Variants in KIFC3 observed in about 807,000 individuals in gnomAD.
KIFC3 encodes kinesin-like protein KIFC3.
In KIFC3, 60 loss-of-function variants were observed where a neutral mutation model predicts 101.8. The ratio of observed to expected loss-of-function variants is 0.59; its 90% CI spans 0.48 to 0.73. The LOEUF (loss-of-function observed/expected upper bound fraction) is 0.73. KIFC3 is among the 30% of genes least tolerant of loss of function. The probability of loss-of-function intolerance (pLI) is 0.00; values close to 1 mark genes in which losing one functional copy is unlikely to be tolerated. For synonymous variants in KIFC3, 476 were observed against 482.7 expected (o/e 0.99, Z 0.18); for missense variants, 966 against 1,137.1 (o/e 0.85, Z 2.16).
At position 57,760,903 on chromosome 16, in the gene KIFC3, C is replaced by T; in HGVS notation, c.2055G>A (p.Gly685=). Residue 685 remains glycine (G), a synonymous_variant, in exon 16 of 20, where the codon GGG becomes GGA. Transcript: ENST00000445690. ...LAGSERVGKS[G]AEGSRLREAQ... is the part of the protein sequence containing the mutation. ...CCTCCCGCAGGCGGCTGCCCTCGGC[C>T]CCCGACTTGCCCACGCGCTCCGAGC... 2.5e-6 allele frequency: 4 copies of T among 1,609,408 alleles called. No homozygotes were observed. The highest frequency in any genetic ancestry group is 4.5e-5 in the East Asian group (2 of 44,846).
At chr16:57,834,202 C>G (rs1422001467) in intron 1 of KIFC3, among the ~76,000 whole-genome samples, 1 of 152,056 alleles carries the variant, frequency 6.6e-6, no homozygotes, top group East Asian at 1.9e-4. Flanking sequence ...TATAGCTTAG[C>G]AACACATTAT....
intron 1 of KIFC3, among the ~76,000 whole-genome samples, chr16:57,854,177 A>G (rs72780308): frequency 0.076 from 11,544 of 152,106 alleles, 542 homozygotes; most frequent in African/African-American, 0.13. Flanking sequence ...CTTGAGTTCA[A>G]GCGATTCACC....
chr16:57,775,572 G>C (rs2051942041), intron 3 of KIFC3: 2 of 985,902 alleles, frequency 2.0e-6, no homozygotes, highest in Non-Finnish European at 2.4e-6. Flanking sequence ...GGAGCAGTGA[G>C]AGCCAAGAGC....
intron 1 of KIFC3, among the ~76,000 whole-genome samples, chr16:57,851,841 G>A (rs1223998406): frequency 3.3e-5 from 5 of 152,132 alleles, no homozygotes; most frequent in African/African-American, 7.2e-5. Flanking sequence ...CCAGGTTCAC[G>A]CGATTCTCCT....
intron 1 of KIFC3, among the ~76,000 whole-genome samples, chr16:57,856,532 G>GAAAAAGAAAGAAGAAAGAA (rs1327936293): frequency 1.3e-5 from 2 of 149,258 alleles, no homozygotes; most frequent in Non-Finnish European, 3.0e-5. Context: ...AAAAAAGAAA[G>GAAAAAGAAAGAAGAAAGAA]AAAAAGAAAG....
intron 1 of KIFC3, among the ~76,000 whole-genome samples, chr16:57,826,367 T>A (rs544313039): frequency 1.3e-5 from 2 of 152,330 alleles, no homozygotes; most frequent in African/African-American, 4.8e-5. Flanking sequence ...TTATTTCTAG[T>A]CTTTTGTGAC....
chr16:57,770,345 C>G (rs2051000235), intron 7 of KIFC3, among the ~76,000 whole-genome samples, 182 bp downstream of exon 7: 1 of 152,226 alleles, frequency 6.6e-6, no homozygotes, highest in South Asian at 2.1e-4. Context: ...GGGACCAGAT[C>G]GTGTTATAAT....
At chr16:57,763,274 T>C (rs9783766) in intron 12 of KIFC3, among the ~76,000 whole-genome samples, 2,752 of 152,164 alleles carry the variant, frequency 0.018, 84 homozygotes, top group African/African-American at 0.063. Context: ...GGTGGTCACC[T>C]CAACACTAAG....
At chr16:57,824,287 T>C (rs999400740) in intron 1 of KIFC3, among the ~76,000 whole-genome samples, 20 of 152,200 alleles carry the variant, frequency 1.3e-4, no homozygotes, top group African/African-American at 2.4e-4. Flanking sequence ...AGAGGCAGGC[T>C]TGTAGTGGGT....
chr16:57,771,562 G>A lies in KIFC3; in HGVS notation c.506C>T (p.Pro169Leu). 1 of 1,613,358 alleles carries A rather than the reference G, an allele frequency of 6.2e-7. No individual in the cohort carries two copies. Among genetic ancestry groups the A allele is most frequent in the Non-Finnish European group, 8.5e-7 (1 of 1,179,912 alleles). Reference protein sequence around the residue: ...ELRTKPAGPCPGCEHSQESAQ... With the variant: ...ELRTKPAGPCLGCEHSQESAQ... ...GCTCACCTGGCTGTGCTCACAACCTGGGCAGGGACCTGCTGGCTTTGTGCG... is the reference window on the plus strand; with the variant it reads ...GCTCACCTGGCTGTGCTCACAACCTAGGCAGGGACCTGCTGGCTTTGTGCG... The change falls in exon 5 of 20, where the codon CCA (proline) becomes CTA (leucine). Residue 169 changes from proline (P) to leucine (L), a missense_variant. Pro to Leu is a moderately conservative substitution (Grantham distance 98, BLOSUM62 -3). Coordinates refer to ENST00000445690, the MANE Select transcript of KIFC3 (RefSeq NM_001130100.2).
chr16:57,847,960 A>G (rs1408654170), intron 1 of KIFC3, among the ~76,000 whole-genome samples: 1 of 151,738 alleles, frequency 6.6e-6, no homozygotes, highest in Non-Finnish European at 1.5e-5. Context: ...TAATTTTTGT[A>G]TTTTTGATAG....
At chr16:57,801,529 A>G (rs1380878495) in intron 1 of KIFC3, among the ~76,000 whole-genome samples, 2 of 152,100 alleles carry the variant, frequency 1.3e-5, no homozygotes, top group African/African-American at 4.8e-5. Context: ...GGAGACGGCT[A>G]CTCTAACAAG....
At chr16:57,804,324 T>C (rs2054882779), upstream of KIFC3, among the ~76,000 whole-genome samples, 1 of 152,172 alleles carries the variant, frequency 6.6e-6, no homozygotes, top group Admixed American at 6.5e-5. Context: ...CATTTAACCC[T>C]GAACACCCTA....
intron 3 of KIFC3, among the ~76,000 whole-genome samples, chr16:57,784,895 G>A (rs1457449082): frequency 6.6e-6 from 1 of 152,184 alleles, no homozygotes. Context: ...CAAATGTCCT[G>A]CCCAGCCAAT....
chr16:57,794,122 A>C (rs782081273), intron 3 of KIFC3, among the ~76,000 whole-genome samples: 5 of 152,212 alleles, frequency 3.3e-5, no homozygotes, highest in Non-Finnish European at 5.9e-5. Flanking sequence ...GAGATCTTTT[A>C]ATGCCTGGCA....
intron 1 of KIFC3, among the ~76,000 whole-genome samples, chr16:57,842,495 G>C (rs1306268080): frequency 1.3e-5 from 2 of 152,164 alleles, no homozygotes; most frequent in Non-Finnish European, 2.9e-5. Flanking sequence ...GCCAGCCTCA[G>C]GCTCCACCAT....
chr16:57,780,577 T>TAA (rs146565638), intron 3 of KIFC3, among the ~76,000 whole-genome samples: 1,919 of 140,188 alleles, frequency 0.014, 24 homozygotes, highest in African/African-American at 0.03. Context: ...TTAAAATGAT[T>TAA]TAAAAAAAAA....
intron 1 of KIFC3, among the ~76,000 whole-genome samples, chr16:57,844,842 G>T (rs2055885252): frequency 6.6e-6 from 1 of 152,198 alleles, no homozygotes; most frequent in South Asian, 2.1e-4. Flanking sequence ...AGACCCTGCA[G>T]CGGCTGTGGT....
At chr16:57,795,428 T>C (rs2054209546) in intron 2 of KIFC3, among the ~76,000 whole-genome samples, 2 of 152,220 alleles carry the variant, frequency 1.3e-5, no homozygotes, top group Admixed American at 1.3e-4. Flanking sequence ...ACAGTGGCTT[T>C]TGGGGCAGGC....
Sources: gnomAD v4.1 joint callset for allele counts (sites outside exome capture counted in the v4.1 genomes callset) on GRCh38, gnomAD v4.1.1 for gene constraint, MANE v1.5 for transcripts, NCBI Gene and HGNC (gene_info 2026-07-23, HGNC 2026-07-21) for gene names.